The following DGKB variants were observed in gnomAD, a reference collection of about 807,000 sequenced individuals.
DGKB encodes 90 kDa diacylglycerol kinase.
A neutral mutation model predicts 114.3 loss-of-function variants in DGKB; 67 were observed. The ratio of observed to expected loss-of-function variants is 0.59; its 90% CI spans 0.48 to 0.72. DGKB has a LOEUF of 0.72. Ranked by LOEUF, DGKB falls within the 30% of genes least tolerant of loss-of-function variation. The probability of loss-of-function intolerance (pLI) is 0.00; values close to 1 mark genes in which losing one functional copy is unlikely to be tolerated. For synonymous variants in DGKB, 398 were observed against 323.1 expected (o/e 1.23, Z -2.49); for missense variants, 907 against 975.2 (o/e 0.93, Z 0.93).
rs376170310 is a variant in DGKB, at chr7:14,647,154, A to T, written c.1135-16886T>A. ...TACAACTGATACCACATAAATACAA[A>T]GGATCATTAGAAACTGTTATGAACA... On this transcript the variant is annotated intron_variant, in intron 13 of 25. Coordinates refer to ENST00000402815, the MANE Select transcript of DGKB (RefSeq NM_001350709.2). 5.3e-4 allele frequency among the ~76,000 whole-genome samples: 81 copies of T among 152,232 alleles called. No individual in the cohort carries two copies. In the South Asian group the frequency reaches 0.016, roughly 30 times the overall value.
chr7:14,483,548 G>A (rs76364064), intron 20 of DGKB, among the ~76,000 whole-genome samples: 5,218 of 152,182 alleles, frequency 0.034, 142 homozygotes, highest in Admixed American at 0.051. Context: ...GAATCTTTGG[G>A]GGCCAGAGGA....
intron 2 of DGKB, among the ~76,000 whole-genome samples, chr7:14,816,885 G>C (rs890048301): frequency 4.6e-5 from 7 of 152,148 alleles, no homozygotes; most frequent in African/African-American, 1.7e-4. Context: ...GGATAAGCTG[G>C]TGAGTTTGTG....
chr7:14,439,596 G>A (rs1044409056), intron 21 of DGKB, among the ~76,000 whole-genome samples: 1 of 152,002 alleles, frequency 6.6e-6, no homozygotes, highest in Non-Finnish European at 1.5e-5. Flanking sequence ...AGGCACAGTG[G>A]CTCATGCCTG....
chr7:14,660,224 G>T (rs1263247917), intron 13 of DGKB, among the ~76,000 whole-genome samples: 1 of 151,942 alleles, frequency 6.6e-6, no homozygotes, highest in African/African-American at 2.4e-5. Context: ...CCCGGCTTTG[G>T]TATCAGGATG....
chr7:14,473,731 T>C (rs1243936655), intron 21 of DGKB, among the ~76,000 whole-genome samples: 7 of 152,330 alleles, frequency 4.6e-5, no homozygotes, highest in Middle Eastern at 6.8e-3. Context: ...AGCCTACTTC[T>C]TGCATCAGCT....
chr7:14,719,711 T>A (rs1199212876), intron 5 of DGKB, among the ~76,000 whole-genome samples: 1 of 152,162 alleles, frequency 6.6e-6, no homozygotes, highest in Admixed American at 6.6e-5. Context: ...TGAATACCTA[T>A]CACCTCGTCA....
At chr7:14,400,877 A>G (rs1412209262) in intron 21 of DGKB, among the ~76,000 whole-genome samples, 1 of 151,824 alleles carries the variant, frequency 6.6e-6, no homozygotes, top group Non-Finnish European at 1.5e-5. Context: ...AACATAGTCA[A>G]GTTTAAGCAG....
At position 14,589,675 on chromosome 7, in the gene DGKB, G is replaced by C. The variant is rs1232159149; in HGVS notation, c.1434-6538C>G. Among the ~76,000 whole-genome samples the C allele has an allele frequency of 2.0e-5, 3 of 151,686 alleles. No individual in the cohort carries two copies. The South Asian group carries it at 6.3e-4, about 32-fold the overall frequency. On this transcript the variant is annotated intron_variant, in intron 17 of 25. Coordinates refer to ENST00000402815, the MANE Select transcript of DGKB (RefSeq NM_001350709.2). ...TTGACAAGGTCTCTGTCCTTTAATC[G>C]GTTAGTGTGAGAATAAACATTTATA... is the stretch of plus-strand genomic sequence containing the variant.
intron 1 of DGKB, among the ~76,000 whole-genome samples, chr7:14,948,910 A>G (rs1786023606): frequency 6.6e-6 from 1 of 151,792 alleles, no homozygotes; most frequent in Admixed American, 6.6e-5. Context: ...AAATATGCCA[A>G]AAGATTTGCA....
chr7:14,648,716 T>A lies in DGKB; in HGVS notation c.1135-18448A>T, dbSNP rs369577936. On this transcript the variant is annotated intron_variant, in intron 13 of 25. Transcript: ENST00000402815. ...TACTCTGAGCTACGGGAGGACATTC[T>A]AACCAAAGGCAAAGAAGTTGAAAAC... 4.6e-3 allele frequency among the ~76,000 whole-genome samples: 688 copies of A among 150,624 alleles called. 3 individuals carry two copies. Among genetic ancestry groups the A allele is most frequent in the African/African-American group, 0.015 (631 of 41,038 alleles).
intron 21 of DGKB, among the ~76,000 whole-genome samples, chr7:14,354,524 T>C (rs1814094459): frequency 6.6e-6 from 1 of 152,198 alleles, no homozygotes; most frequent in Admixed American, 6.5e-5. Context: ...AGAAGAGATC[T>C]CTACATAACA....
intron 2 of DGKB, among the ~76,000 whole-genome samples, chr7:14,774,676 C>T (rs1427691075): frequency 3.3e-5 from 5 of 152,004 alleles, no homozygotes; most frequent in Admixed American, 6.6e-5. Flanking sequence ...CCAAATTATT[C>T]GATTTTCTCA....
chr7:14,841,177 T>C lies in DGKB; in HGVS notation c.70+17A>G, dbSNP rs1186286971. ...ACAAATGTCAAATAATCTCATAATA[T>C]CAATATGAATACTTACACTCAGCAT... On this transcript the variant is annotated intron_variant, in intron 2 of 25. Coordinates refer to ENST00000402815, the MANE Select transcript of DGKB (RefSeq NM_001350709.2). The C allele has an allele frequency of 1.3e-6, 2 of 1,592,686 alleles. No homozygotes were observed. The highest frequency in any genetic ancestry group is 1.3e-5 in the African/African-American group (1 of 74,548).
intron 17 of DGKB, among the ~76,000 whole-genome samples, chr7:14,607,105 T>C (rs745974335): frequency 6.6e-6 from 1 of 151,748 alleles, no homozygotes; most frequent in Non-Finnish European, 1.5e-5. Context: ...AAGAGAATCG[T>C]TCTTCAAATA....
chr7:14,906,447 CTTTTTTTTTTT>C (rs34250901), upstream of DGKB, among the ~76,000 whole-genome samples: 2 of 103,866 alleles, frequency 1.9e-5, no homozygotes, highest in Admixed American at 1.2e-4. Flanking sequence ...TTTTTTCTGT[CTTTTTTTTTTT>C]TTTTTTTTTT....
chr7:14,415,432 C>T (rs1825559999), intron 21 of DGKB, among the ~76,000 whole-genome samples: 1 of 151,686 alleles, frequency 6.6e-6, no homozygotes, highest in Non-Finnish European at 1.5e-5. Context: ...CCCCCCACCC[C>T]ACAACAGGCC....
At chr7:14,263,918 G>A (rs1797134462) in intron 23 of DGKB, among the ~76,000 whole-genome samples, 1 of 152,206 alleles carries the variant, frequency 6.6e-6, no homozygotes, top group Non-Finnish European at 1.5e-5. Flanking sequence ...TATTCTTAAT[G>A]TATAGCAAGG....
intron 1 of DGKB, among the ~76,000 whole-genome samples, chr7:14,869,139 G>T (rs572902722): frequency 6.6e-5 from 10 of 152,172 alleles, no homozygotes; most frequent in African/African-American, 2.4e-4. Flanking sequence ...AGCCCATACA[G>T]ATAAGGAATG....
chr7:14,463,006 TA>T (rs977253935), intron 21 of DGKB, among the ~76,000 whole-genome samples: 6 of 152,170 alleles, frequency 3.9e-5, no homozygotes, highest in African/African-American at 1.2e-4. Flanking sequence ...ATTCCCTATT[TA>T]AAAAAAGGTG....
Sources: gnomAD v4.1 joint callset for allele counts (sites outside exome capture counted in the v4.1 genomes callset) on GRCh38, gnomAD v4.1.1 for gene constraint, MANE v1.5 for transcripts, NCBI Gene and HGNC (gene_info 2026-07-23, HGNC 2026-07-21) for gene names.